The following EXO1 variants were observed in gnomAD, a reference collection of about 807,000 sequenced individuals.
The protein encoded by EXO1 is exonuclease 1.
In EXO1, 69 loss-of-function variants were observed where a neutral mutation model predicts 84.5. That is an observed-to-expected ratio of 0.82 (90% CI 0.67 to 1.00). The LOEUF (loss-of-function observed/expected upper bound fraction) is 1.00. Among genes scored for constraint, EXO1 ranks in the 50% least tolerant of loss-of-function variants. EXO1 has a pLI of 0.00. For missense variants in EXO1, 1,045 were observed against 1,000.7 expected (o/e 1.04, Z -0.60); for synonymous variants, 373 against 366.1 (o/e 1.02, Z -0.21).
Position 241,879,014 on chromosome 1 carries a change from A to G in EXO1, c.1780A>G (p.Thr594Ala). ...ESYSFESSKFTRTISPPTLGT... is the reference protein window; with the variant it reads ...ESYSFESSKFARTISPPTLGT... ...CTACTCTTTTGAGAGCAGCAAATTT[A>G]CAAGGACCATTTCACCACCCACTTT... Residue 594 changes from threonine to alanine, a missense_variant, in exon 13 of 16, where the codon ACA becomes GCA. Coordinates refer to ENST00000366548, the MANE Select transcript of EXO1 (RefSeq NM_130398.4). 1 of 1,614,212 alleles carries G rather than the reference A, an allele frequency of 6.2e-7. No individual in the cohort carries two copies. Among genetic ancestry groups the G allele is most frequent in the Non-Finnish European group, 8.5e-7 (1 of 1,180,036 alleles).
At chr1:241,878,574 A>G (rs193086259) in intron 12 of EXO1, among the ~76,000 whole-genome samples, 175 bp from the exon 13 acceptor site, 245 of 152,214 alleles carry the variant, frequency 1.6e-3, no homozygotes, top group African/African-American at 5.7e-3. Context: ...ATGTTGGCAT[A>G]ATCAAAATTT....
chr1:241,884,482 T>TATATATGCCA (rs1662930904), intron 14 of EXO1, among the ~76,000 whole-genome samples: 1 of 152,194 alleles, frequency 6.6e-6, no homozygotes, highest in Non-Finnish European at 1.5e-5. Context: ...AGAGGTTTGT[T>TATATATGCCA]TAAGTAAGTT....
At position 241,861,455 on chromosome 1, in the gene EXO1, A is replaced by G; in HGVS notation, c.994A>G (p.Ile332Val). 2 of 1,594,010 alleles carry G rather than the reference A, an allele frequency of 1.3e-6. No individual in the cohort carries two copies. The highest frequency in any genetic ancestry group is 1.7e-6 in the Non-Finnish European group (2 of 1,161,638). Residue 332 changes from isoleucine (I) to valine (V), a missense_variant, in exon 10 of 16, where the codon ATA becomes GTA. Ile to Val is a conservative substitution (Grantham distance 29). Coordinates refer to ENST00000366548, the MANE Select transcript of EXO1 (RefSeq NM_130398.4). ...ALQIALGNKD[I>V]NTFEQIDDYN... ...TCAAATAGCACTTGGAAATAAAGAT[A>G]TAAATACTTTTGAACAGATCGATGA...
intron 12 of EXO1, among the ~76,000 whole-genome samples, chr1:241,875,664 G>A (rs1206967058): frequency 1.3e-5 from 2 of 152,152 alleles, no homozygotes; most frequent in Non-Finnish European, 2.9e-5. Context: ...GGATCATGAG[G>A]TCAGGAGATC....
chr1:241,872,924 C>T (rs851779), intron 12 of EXO1, among the ~76,000 whole-genome samples: 76,474 of 151,916 alleles, frequency 0.5, 19,512 homozygotes, highest in East Asian at 0.71. Context: ...CTTGAGGAGT[C>T]GCCACACTGT....
At chr1:241,889,383 C>T (rs4150020) in intron 15 of EXO1, 82 bp from the exon 16 acceptor site, 4 of 1,240,240 alleles carry the variant, frequency 3.2e-6, no homozygotes, top group Non-Finnish European at 4.7e-6. Context: ...CTTCATGTCC[C>T]TCTATTTTGT....
Position 241,881,228 on chromosome 1 carries a change from A to T in EXO1, c.2110-688A>T, listed in dbSNP as rs546974340. Among the ~76,000 whole-genome samples, 115 of 152,162 alleles carry T rather than the reference A, an allele frequency of 7.6e-4. 2 individuals carry two copies. The highest frequency in any genetic ancestry group is 2.6e-3 in the African/African-American group (107 of 41,524). The stretch of plus-strand genomic sequence containing the variant: ...TTTTTAGTAGAGACAGGATTTCACC[A>T]TGTTGGCCAGGCTGGTCTTGAACTC... On this transcript the variant is annotated intron_variant, in intron 13 of 15. Transcript: ENST00000366548.
intron 3 of EXO1, 60 bp from the exon 4 acceptor site, chr1:241,850,349 G>A (rs757664105): frequency 2.6e-5 from 30 of 1,153,910 alleles, no homozygotes; most frequent in Middle Eastern, 2.1e-4. Context: ...TGTCTAAGAT[G>A]TTTTAATAAA....
chr1:241,855,679 GGT>G (rs1660966185), intron 6 of EXO1, among the ~76,000 whole-genome samples: 2 of 152,222 alleles, frequency 1.3e-5, no homozygotes, highest in Non-Finnish European at 2.9e-5. Context: ...CCACGGAGGG[GGT>G]GGGAGGCTCA....
chr1:241,889,257 AAGCAAG>A (rs1663245124), intron 15 of EXO1, among the ~76,000 whole-genome samples: 1 of 152,106 alleles, frequency 6.6e-6, no homozygotes, highest in Admixed American at 6.6e-5. Context: ...GTGATTTTGA[AAGCAAG>A]AAGAGGCACT....
chr1:241,882,684 T>A (rs1232560479), intron 14 of EXO1, among the ~76,000 whole-genome samples: 17 of 152,162 alleles, frequency 1.1e-4, no homozygotes, highest in Non-Finnish European at 2.4e-4. Flanking sequence ...AAAGTACCAA[T>A]GGTTGATTAA....
chr1:241,873,250 C>T (rs925241801), intron 12 of EXO1, among the ~76,000 whole-genome samples: 1 of 152,052 alleles, frequency 6.6e-6, no homozygotes, highest in African/African-American at 2.4e-5. Flanking sequence ...TTTTGATTTG[C>T]ATTTCTCTAA....
Position 241,856,808 on chromosome 1 carries a change from A to C in EXO1, c.406-537A>C, listed in dbSNP as rs60037221. On this transcript the variant is annotated intron_variant, in intron 6 of 15. Transcript: ENST00000366548. ...CACTTTGGGAAGCTGAAGCGAGTGG[A>C]TCACTTGAGTCCAGGAGTTTGAGAC... 9.3e-3 allele frequency among the ~76,000 whole-genome samples: 1,413 copies of C among 152,348 alleles called. 18 individuals are homozygous for C. The highest frequency in any genetic ancestry group is 0.033 in the African/African-American group (1,357 of 41,582).
chr1:241,868,072 C>T (rs889218666), intron 11 of EXO1, among the ~76,000 whole-genome samples: 1 of 151,938 alleles, frequency 6.6e-6, no homozygotes, highest in Non-Finnish European at 1.5e-5. Context: ...GAGACCCTGT[C>T]TCCACAAAAA....
Position 241,850,464 on chromosome 1 carries a change from T to G in EXO1, c.39T>G (p.Ala13=). 7 of 1,614,040 alleles carry G rather than the reference T, an allele frequency of 4.3e-6. No individual in the cohort carries two copies. The highest frequency in any genetic ancestry group is 5.1e-6 in the Non-Finnish European group (6 of 1,179,904). The change falls in exon 4 of 16, where the codon GCT becomes GCG. Residue 13 remains alanine (A), a synonymous_variant. Coordinates refer to ENST00000366548, the MANE Select transcript of EXO1 (RefSeq NM_130398.4). ...IQGLLQFIKE[A]SEPIHVRKYK... is the part of the protein sequence containing the mutation. ...GATTGCTACAATTTATCAAAGAAGC[T>G]TCAGAACCCATCCATGTGAGGAAGT...
chr1:241,871,560 T>C (rs1351752720), intron 11 of EXO1, among the ~76,000 whole-genome samples: 1 of 152,212 alleles, frequency 6.6e-6, no homozygotes, highest in African/African-American at 2.4e-5. Flanking sequence ...CAGCACAAAT[T>C]ACTTACGACT....
chr1:241,885,245 A>G, intron 14 of EXO1, 69 bp from the exon 15 acceptor site: 1 of 794,048 alleles, frequency 1.3e-6, no homozygotes, highest in Non-Finnish European at 2.0e-6. Flanking sequence ...AGTAAAGAAT[A>G]AAGAATAGCT....
chr1:241,872,136 G>T lies in EXO1; in HGVS notation c.1372G>T (p.Val458Leu), dbSNP rs4149965. 6.2e-7 allele frequency: 1 copy of T among 1,612,834 alleles called. No homozygotes were observed. Among genetic ancestry groups the T allele is most frequent in the African/African-American group, 1.3e-5 (1 of 74,888 alleles). ...CAATAAATCATTGAGCTTTTCTGAA[G>T]TGTTTGTGCCTGACCTGGTAAATGG... ...EGNKSLSFSE[V>L]FVPDLVNGPT... Residue 458 changes from valine to leucine, a missense_variant, in exon 12 of 16, where the codon GTG becomes TTG. By Grantham distance (32) the Val-to-Leu change is conservative. Transcript: ENST00000366548.
At chr1:241,871,332 T>C (rs1424782010) in intron 11 of EXO1, among the ~76,000 whole-genome samples, 1 of 152,246 alleles carries the variant, frequency 6.6e-6, no homozygotes, top group Non-Finnish European at 1.5e-5. Context: ...AAGATTATAG[T>C]AGTGTGCACT....
Sources: allele counts gnomAD v4.1 joint callset (sites outside exome capture counted in the v4.1 genomes callset), GRCh38; gene constraint gnomAD v4.1.1; transcripts MANE v1.5; gene names NCBI Gene and HGNC (gene_info 2026-07-23, HGNC 2026-07-21).